Variants in GRM7 observed in about 807,000 individuals in gnomAD.
GRM7 encodes metabotropic glutamate receptor 7.
In GRM7, 35 loss-of-function variants were observed where a neutral mutation model predicts 84.5. The ratio of observed to expected loss-of-function variants is 0.41; its 90% confidence interval spans 0.32 to 0.55. GRM7 has a LOEUF of 0.55. Among genes scored for constraint, GRM7 ranks in the 20% least tolerant of loss-of-function variants. The pLI is 0.19. For synonymous variants in GRM7, 487 were observed against 455.1 expected (o/e 1.07, Z -0.89); for missense variants, 1,003 against 1,194.6 (o/e 0.84, Z 2.36).
At chr3:6,982,993 C>G (rs979014389) in intron 1 of GRM7, among the ~76,000 whole-genome samples, 5 of 151,966 alleles carry the variant, frequency 3.3e-5, no homozygotes, top group African/African-American at 9.7e-5. Context: ...AGAGTAAATG[C>G]CAAATAATGG....
At chr3:7,441,657 A>G (rs777160923) in intron 5 of GRM7, among the ~76,000 whole-genome samples, 1 of 152,136 alleles carries the variant, frequency 6.6e-6, no homozygotes, top group Non-Finnish European at 1.5e-5. Context: ...TAATTTTTGT[A>G]TATGGTGTAA....
chr3:7,189,530 T>G (rs1232391430), intron 2 of GRM7, among the ~76,000 whole-genome samples: 2 of 152,206 alleles, frequency 1.3e-5, no homozygotes, highest in Non-Finnish European at 2.9e-5. Context: ...GTTATCACTA[T>G]TACTGTTGTT....
intron 1 of GRM7, among the ~76,000 whole-genome samples, chr3:7,129,633 A>C (rs1448311284): frequency 6.6e-6 from 1 of 152,006 alleles, no homozygotes; most frequent in East Asian, 1.9e-4. Flanking sequence ...CCCCTTTCTT[A>C]CTGCTTGAGA....
intron 7 of GRM7, among the ~76,000 whole-genome samples, chr3:7,512,585 GAT>G (rs1491272860): frequency 2.7e-5 from 2 of 74,152 alleles, no homozygotes; most frequent in Non-Finnish European, 5.1e-5. Context: ...TTTTGTTTTA[GAT>G]TTTTTTTTTT....
At chr3:7,643,511 G>A (rs1698463021) in intron 8 of GRM7, among the ~76,000 whole-genome samples, 1 of 152,130 alleles carries the variant, frequency 6.6e-6, no homozygotes. Flanking sequence ...ACTTTAAAAT[G>A]CTAGTCATTT....
intron 9 of GRM7, among the ~76,000 whole-genome samples, chr3:7,729,846 C>G (rs998675290): frequency 7.0e-6 from 1 of 143,342 alleles, no homozygotes; most frequent in Non-Finnish European, 1.5e-5. Flanking sequence ...GCTGGGATTA[C>G]AGGTGCATGC....
At chr3:7,295,716 C>A (rs1344995204) in intron 2 of GRM7, among the ~76,000 whole-genome samples, 1 of 151,972 alleles carries the variant, frequency 6.6e-6, no homozygotes, top group Non-Finnish European at 1.5e-5. Context: ...CGTTGTGTTT[C>A]AATGTAAAAT....
At chr3:7,052,103 A>G (rs1280244943) in intron 1 of GRM7, among the ~76,000 whole-genome samples, 1 of 151,652 alleles carries the variant, frequency 6.6e-6, no homozygotes, top group Non-Finnish European at 1.5e-5. Context: ...TTGTTCCAGG[A>G]GTTTAATTTT....
chr3:6,869,247 G>A (rs1295724770), intron 1 of GRM7, among the ~76,000 whole-genome samples: 10 of 152,020 alleles, frequency 6.6e-5, no homozygotes, highest in African/African-American at 1.2e-4. Flanking sequence ...CCTGTCTGAC[G>A]TTGATCAAAA....
At chr3:7,006,573 GC>G (rs1285595136) in intron 1 of GRM7, among the ~76,000 whole-genome samples, 1 of 152,130 alleles carries the variant, frequency 6.6e-6, no homozygotes, top group Non-Finnish European at 1.5e-5. Flanking sequence ...AGTCTTTGTG[GC>G]TAACAAATCC....
intron 1 of GRM7, among the ~76,000 whole-genome samples, chr3:6,957,540 A>G (rs1693110912): frequency 1.3e-5 from 2 of 152,182 alleles, no homozygotes; most frequent in Non-Finnish European, 1.5e-5. Context: ...ACTGTATTTC[A>G]CCTTCGTGTA....
chr3:7,298,590 C>T (rs1055810746), intron 2 of GRM7, 94 bp from the exon 3 acceptor site: 26 of 1,014,402 alleles, frequency 2.6e-5, no homozygotes, highest in African/African-American at 1.4e-4. Context: ...ATTGCATATC[C>T]GGGATTCAGA....
intron 7 of GRM7, chr3:7,520,170 A>G (rs747938): frequency 0.38 from 57,668 of 152,028 alleles, 11,901 homozygotes; most frequent in East Asian, 0.53. Context: ...TCACTTGTGG[A>G]TAAAGAGGAG....
intron 8 of GRM7, among the ~76,000 whole-genome samples, chr3:7,603,304 C>A (rs1221239984): frequency 1.3e-5 from 2 of 152,046 alleles, no homozygotes; most frequent in Non-Finnish European, 2.9e-5. Flanking sequence ...ATGCCTGAGG[C>A]TGTCTTTTGT....
chr3:7,632,653 A>C (rs1697907414), intron 8 of GRM7, among the ~76,000 whole-genome samples: 1 of 152,198 alleles, frequency 6.6e-6, no homozygotes, highest in Non-Finnish European at 1.5e-5. Flanking sequence ...TAATGATGGG[A>C]GCAAATCCCT....
intron 1 of GRM7, among the ~76,000 whole-genome samples, chr3:6,951,830 C>A (rs1356937635): frequency 1.3e-5 from 2 of 152,152 alleles, no homozygotes; most frequent in Non-Finnish European, 1.5e-5. Context: ...ACTTTTCTAT[C>A]TACTTATTCT....
chr3:7,390,835 A>G (rs1430062931), intron 4 of GRM7, among the ~76,000 whole-genome samples: 1 of 151,876 alleles, frequency 6.6e-6, no homozygotes, highest in East Asian at 1.9e-4. Context: ...TCTAAGTTCT[A>G]TATCTGTCAT....
At chr3:6,901,376 G>C (rs985910610) in intron 1 of GRM7, among the ~76,000 whole-genome samples, 3 of 150,798 alleles carry the variant, frequency 2.0e-5, no homozygotes, top group Non-Finnish European at 4.4e-5. Context: ...AAGGTGGGTG[G>C]ATCATGAGGT....
intron 2 of GRM7, among the ~76,000 whole-genome samples, chr3:7,280,283 C>T (rs1196954168): frequency 1.3e-5 from 2 of 152,180 alleles, no homozygotes; most frequent in Non-Finnish European, 2.9e-5. Context: ...GAAAACAGTA[C>T]ACCTGAGTTA....
Sources: gnomAD v4.1 joint callset for allele counts (sites outside exome capture counted in the v4.1 genomes callset) on GRCh38, gnomAD v4.1.1 for gene constraint, MANE v1.5 for transcripts, NCBI Gene and HGNC (gene_info 2026-07-23, HGNC 2026-07-21) for gene names.